Variants in ANO4 observed in about 807,000 individuals in gnomAD.
ANO4 encodes the protein anoctamin-4.
ANO4 carries 69 observed loss-of-function variants against 141.9 expected under a neutral mutation model. That is an observed-to-expected ratio of 0.49 (90% CI 0.40 to 0.59). The LOEUF is 0.59. Ranked by LOEUF, ANO4 falls within the 20% of genes least tolerant of loss-of-function variation. The probability of loss-of-function intolerance (pLI) is 0.00; values close to 1 mark genes in which losing one functional copy is unlikely to be tolerated. For synonymous variants in ANO4, 350 were observed against 394.3 expected, an observed-to-expected ratio of 0.89 and a Z score of 1.33; for missense variants, 894 against 1,162.2, an observed-to-expected ratio of 0.77 and a Z score of 3.36.
chr12:101,090,426 G>A (rs547386213), intron 17 of ANO4, among the ~76,000 whole-genome samples: 37 of 152,238 alleles, frequency 2.4e-4, no homozygotes, highest in African/African-American at 8.9e-4. Flanking sequence ...CCATAAAAAA[G>A]GATGAGTTCA....
At chr12:100,946,433 C>G (rs2042723771) in intron 5 of ANO4, among the ~76,000 whole-genome samples, 1 of 152,056 alleles carries the variant, frequency 6.6e-6, no homozygotes, top group African/African-American at 2.4e-5. Flanking sequence ...ATGATGGTAG[C>G]TTGGTCAAGC....
At chr12:100,979,820 C>T (rs1025974047) in intron 7 of ANO4, among the ~76,000 whole-genome samples, 13 of 151,600 alleles carry the variant, frequency 8.6e-5, no homozygotes, top group South Asian at 4.2e-4. Context: ...CTCCGCCTCC[C>T]GGGTTCACGC....
chr12:101,116,821 C>T (rs761572937), intron 25 of ANO4, 23 bp downstream of exon 25: 1 of 1,613,876 alleles, frequency 6.2e-7, no homozygotes, highest in South Asian at 1.1e-5. Flanking sequence ...CCCAGCGTGG[C>T]TCTGCCTGAG....
At chr12:100,978,010 C>T (rs1043452104) in intron 7 of ANO4, among the ~76,000 whole-genome samples, 8 of 152,122 alleles carry the variant, frequency 5.3e-5, no homozygotes, top group Non-Finnish European at 8.8e-5. Flanking sequence ...CTACTCAGTC[C>T]TCAAAACTCA....
intron 24 of ANO4, among the ~76,000 whole-genome samples, chr12:101,112,044 C>A (rs1008594250): frequency 6.6e-6 from 1 of 152,018 alleles, no homozygotes; most frequent in African/African-American, 2.4e-5. Flanking sequence ...AATGTGTATA[C>A]CAAAACAGTA....
At chr12:100,724,425 A>G (rs1031961502) in intron 1 of ANO4, among the ~76,000 whole-genome samples, 1 of 152,230 alleles carries the variant, frequency 6.6e-6, no homozygotes, top group Non-Finnish European at 1.5e-5. Flanking sequence ...GGTCTCACTC[A>G]GGTCTGATGC....
chr12:101,049,529 G>C (rs11110631), intron 14 of ANO4, among the ~76,000 whole-genome samples: 1 of 150,612 alleles, frequency 6.6e-6, no homozygotes, highest in Admixed American at 6.6e-5. Flanking sequence ...AGTTTCTGTT[G>C]GATGGATGGG....
intron 2 of ANO4, among the ~76,000 whole-genome samples, chr12:100,921,786 C>T (rs182712132): frequency 4.0e-4 from 61 of 152,026 alleles, no homozygotes; most frequent in African/African-American, 1.3e-3. Flanking sequence ...ACCTTGTTTC[C>T]GTAATATCAA....
chr12:101,025,799 C>T (rs1347425771), intron 9 of ANO4, among the ~76,000 whole-genome samples: 1 of 152,090 alleles, frequency 6.6e-6, no homozygotes, highest in Non-Finnish European at 1.5e-5. Flanking sequence ...ATATAATTCA[C>T]CATAGTAGCA....
intron 8 of ANO4, among the ~76,000 whole-genome samples, chr12:101,003,058 T>G (rs2045718318): frequency 6.6e-6 from 1 of 152,152 alleles, no homozygotes; most frequent in African/African-American, 2.4e-5. Flanking sequence ...CCACAGCTTC[T>G]CCATCAGGAA....
chr12:101,127,355 A>G (rs1259978997), intron 27 of ANO4, among the ~76,000 whole-genome samples: 1 of 152,122 alleles, frequency 6.6e-6, no homozygotes, highest in Non-Finnish European at 1.5e-5. Flanking sequence ...CCCTGAAACA[A>G]AGCGTCCTCT....
chr12:100,789,621 GA>G (rs2033977452), intron 3 of ANO4, among the ~76,000 whole-genome samples: 2 of 152,324 alleles, frequency 1.3e-5, no homozygotes, highest in African/African-American at 4.8e-5. Flanking sequence ...TGCCTGAGGT[GA>G]CACAGCGCAC....
At chr12:100,983,289 G>A (rs943256818) in intron 7 of ANO4, among the ~76,000 whole-genome samples, 6 of 152,196 alleles carry the variant, frequency 3.9e-5, no homozygotes, top group Admixed American at 2.0e-4. Context: ...GGATCAGACC[G>A]AGAGTGTTTT....
chr12:101,063,900 A>G (rs1396954252), intron 14 of ANO4, among the ~76,000 whole-genome samples: 1 of 151,278 alleles, frequency 6.6e-6, no homozygotes, highest in Non-Finnish European at 1.5e-5. Context: ...TGAAATTGGT[A>G]ATTAATGTCT....
At chr12:100,786,169 G>A (rs1255353922) in intron 3 of ANO4, among the ~76,000 whole-genome samples, 9 of 152,174 alleles carry the variant, frequency 5.9e-5, no homozygotes, top group Admixed American at 2.6e-4. Context: ...CTGAAGGAAT[G>A]GGGAAAGCAA....
At chr12:101,117,976 CTTAT>C (rs1445175026) in intron 25 of ANO4, among the ~76,000 whole-genome samples, 1 of 151,954 alleles carries the variant, frequency 6.6e-6, no homozygotes, top group Non-Finnish European at 1.5e-5. Flanking sequence ...CATCAGATGG[CTTAT>C]TTCCTTTCCC....
intron 7 of ANO4, among the ~76,000 whole-genome samples, chr12:100,979,973 C>T (rs969890003): frequency 6.7e-6 from 1 of 149,950 alleles, no homozygotes; most frequent in Non-Finnish European, 1.5e-5. Flanking sequence ...ATCTCTTGAC[C>T]TCGTGATCCT....
rs376508756 is a variant in ANO4 at position 101,079,180 on chromosome 12, C to T, written c.1313-13C>T. 1.1e-5 allele frequency: 17 copies of T among 1,611,868 alleles called. No individual in the cohort carries two copies. The African/African-American group carries it at 2.1e-4, about 20-fold the overall frequency. On this transcript the variant is annotated splice_polypyrimidine_tract_variant and intron_variant, in intron 14 of 27. Coordinates refer to ENST00000392977, the MANE Select transcript of ANO4 (RefSeq NM_001286615.2). ...TATTCAAAAATGTCTTTGTCTTTCTCTGCTTGTTCCAGCAACAGTTTTCCT... is the reference window on the plus strand; with the variant it reads ...TATTCAAAAATGTCTTTGTCTTTCTTTGCTTGTTCCAGCAACAGTTTTCCT...
chr12:100,770,093 G>C (rs2033232108), intron 3 of ANO4, among the ~76,000 whole-genome samples: 2 of 152,184 alleles, frequency 1.3e-5, no homozygotes, highest in African/African-American at 4.8e-5. Flanking sequence ...TATTGCGATA[G>C]CTATGTAACA....
Sources: gnomAD v4.1 joint callset for allele counts (sites outside exome capture counted in the v4.1 genomes callset) on GRCh38, gnomAD v4.1.1 for gene constraint, MANE v1.5 for transcripts, NCBI Gene and HGNC (gene_info 2026-07-23, HGNC 2026-07-21) for gene names.